CXCL13: variants seen among roughly 807,000 people sequenced by gnomAD.
CXCL13 encodes C-X-C motif chemokine ligand 13, also known as C-X-C motif chemokine 13.
Under a neutral mutation model 12.2 loss-of-function variants are expected in CXCL13, and 7 were observed. The observed-to-expected ratio is 0.57, with a 90% CI of 0.33 to 1.07. The LOEUF (loss-of-function observed/expected upper bound fraction) is 1.07, where lower values mean the gene tolerates loss of function less well. CXCL13 is among the 50% of genes least tolerant of loss of function. The pLI, the probability that CXCL13 is intolerant of heterozygous loss-of-function variation, is 0.04. For synonymous variants in CXCL13, 47 were observed against 42.4 expected (o/e 1.11, Z -0.42); for missense variants, 113 against 127.4 (o/e 0.89, Z 0.55).
intron 1 of CXCL13, among the ~76,000 whole-genome samples, chr4:77,590,610 G>A (rs1726580875): frequency 6.6e-6 from 1 of 152,166 alleles, no homozygotes; most frequent in African/African-American, 2.4e-5. Flanking sequence ...TTCTGCTCCT[G>A]TATAGAAAAC....
intron 1 of CXCL13, among the ~76,000 whole-genome samples, chr4:77,513,558 T>C (rs1017018933): frequency 6.6e-6 from 1 of 152,070 alleles, no homozygotes; most frequent in Non-Finnish European, 1.5e-5. Flanking sequence ...TTCACAGGAT[T>C]CTCCTGCCTC....
In CXCL13 at chr4:77,611,127, A is replaced by C; in HGVS notation, c.*88A>C. 9.1e-7 allele frequency: 1 copy of C among 1,094,912 alleles called. No individual in the cohort carries two copies. Among genetic ancestry groups the C allele is most frequent in the South Asian group, 1.4e-5 (1 of 72,358 alleles). The allele number at this position is 1,094,912 out of a possible 1,614,324, so 67.8% of individuals were successfully genotyped here. A position where few individuals can be genotyped will look rare whatever the true frequency, so the allele number is the denominator to read the frequency against. On this transcript the variant is annotated 3_prime_UTR_variant, in exon 4 of 4. Transcript: ENST00000682537. The stretch of plus-strand genomic sequence containing the variant: ...TGTGCTTAGTTAAATCTTTTCCAGG[A>C]AAAAGAACTTCCCCATACAAATAAG...
chr4:77,578,483 G>A (rs1444353305), intron 1 of CXCL13, among the ~76,000 whole-genome samples: 1 of 152,148 alleles, frequency 6.6e-6, no homozygotes, highest in Admixed American at 6.5e-5. Context: ...GCAGATAAGG[G>A]GAAGGGTCCC....
chr4:77,582,078 C>A (rs1374535319), intron 1 of CXCL13, among the ~76,000 whole-genome samples: 2 of 150,174 alleles, frequency 1.3e-5, no homozygotes, highest in Non-Finnish European at 3.0e-5. Flanking sequence ...AGAAAAAAAA[C>A]ATCATTCTAT....
At chr4:77,530,842 C>G (rs1445456310) in intron 1 of CXCL13, among the ~76,000 whole-genome samples, 1 of 152,068 alleles carries the variant, frequency 6.6e-6, no homozygotes, top group African/African-American at 2.4e-5. Context: ...GTTCTTGCTT[C>G]TCTAGTTCTT....
In CXCL13 at chr4:77,598,602, G is replaced by T. The variant is rs568222366; in HGVS notation, c.-42-7222G>T. 5.9e-5 allele frequency among the ~76,000 whole-genome samples: 9 copies of T among 152,248 alleles called. No individual in the cohort carries two copies. In the East Asian group the frequency reaches 1.5e-3, roughly 26 times the overall value. ...CAAAAAGTGACAAAAAGATGTTATG[G>T]AATCTGGAAGATGCCTCATGAGAGA... On this transcript the variant is annotated intron_variant, in intron 1 of 4. Transcript: ENST00000286758.
chr4:77,521,113 G>C (rs148462940), intron 1 of CXCL13, among the ~76,000 whole-genome samples: 32,738 of 152,106 alleles, frequency 0.22, 4,056 homozygotes, highest in South Asian at 0.35. Context: ...GCTGGATTTG[G>C]TTTGCCAGTA....
intron 1 of CXCL13, among the ~76,000 whole-genome samples, chr4:77,573,605 G>C (rs1252554959): frequency 6.6e-6 from 1 of 151,736 alleles, no homozygotes; most frequent in Non-Finnish European, 1.5e-5. Flanking sequence ...ATATGCCAAA[G>C]AAGATATTCT....
rs116522113 is a variant in CXCL13 at position 77,607,925 on chromosome 4, C to T, written c.197+90C>T. 5.7e-4 allele frequency: 747 copies of T among 1,306,938 alleles called. 8 individuals carry two copies. The African/African-American group carries it at 0.01, about 18-fold the overall frequency. 81.0% of individuals were successfully genotyped at this position (1,306,938 alleles called of 1,614,324 possible). A position where few individuals can be genotyped will look rare whatever the true frequency, so the allele number is the denominator to read the frequency against. On this transcript the variant is annotated intron_variant, in intron 2 of 3. Transcript: ENST00000682537. ...ATACAGTAGTCTTACTCAAGAATGT[C>T]GAAGAGATTTACTTGAGTGTTGCTA...
At chr4:77,538,154 C>T (rs373577567) in intron 1 of CXCL13, among the ~76,000 whole-genome samples, 4 of 152,150 alleles carry the variant, frequency 2.6e-5, no homozygotes, top group Non-Finnish European at 5.9e-5. Context: ...TTTTAGTTGT[C>T]TTTTTCCTAC....
Position 77,610,151 on chromosome 4 carries a change from G to A in CXCL13, c.198-463G>A, listed in dbSNP as rs375886273. Among the ~76,000 whole-genome samples the A allele has an allele frequency of 9.9e-5, 15 of 151,798 alleles. 1 individual carries two copies. In the South Asian group the frequency reaches 2.3e-3, roughly 23 times the overall value. ...CCAAGCAATCTGCTCTGCAGCATGC[G>A]TCTCATGTGAAATTGCACTGAATTT... On this transcript the variant is annotated intron_variant, in intron 2 of 3. Transcript: ENST00000682537.
At chr4:77,519,398 C>A (rs1051603115) in intron 1 of CXCL13, among the ~76,000 whole-genome samples, 1 of 152,132 alleles carries the variant, frequency 6.6e-6, no homozygotes, top group Non-Finnish European at 1.5e-5. Flanking sequence ...TGTTCCTATT[C>A]GGCCATCTTG....
At chr4:77,543,045 A>T (rs894737980) in intron 1 of CXCL13, among the ~76,000 whole-genome samples, 11 of 151,976 alleles carry the variant, frequency 7.2e-5, no homozygotes, top group African/African-American at 2.7e-4. Flanking sequence ...TTGGAACTCA[A>T]TATTAGTCTG....
intron 1 of CXCL13, among the ~76,000 whole-genome samples, chr4:77,519,555 T>C (rs180817911): frequency 1.3e-5 from 2 of 152,320 alleles, no homozygotes; most frequent in Non-Finnish European, 2.9e-5. Flanking sequence ...GCCTACTTTT[T>C]GATGGGGTTG....
At chr4:77,537,933 G>A (rs1725100096) in intron 1 of CXCL13, among the ~76,000 whole-genome samples, 3 of 152,118 alleles carry the variant, frequency 2.0e-5, no homozygotes, top group Admixed American at 2.0e-4. Flanking sequence ...CTTCAGAAAA[G>A]GGTATCTTTC....
intron 1 of CXCL13, among the ~76,000 whole-genome samples, chr4:77,575,943 G>T (rs564528962): frequency 3.3e-5 from 5 of 151,908 alleles, no homozygotes; most frequent in African/African-American, 1.2e-4. Context: ...AGGTTGTTAT[G>T]TTAAGTTATT....
At chr4:77,527,635 TA>T (rs532507301) in intron 1 of CXCL13, among the ~76,000 whole-genome samples, 21 of 145,294 alleles carry the variant, frequency 1.4e-4, no homozygotes, top group South Asian at 4.4e-4. Flanking sequence ...CAGTCTCAGA[TA>T]AAAAAAAAAG....
chr4:77,534,786 G>A (rs1725020661), intron 1 of CXCL13, among the ~76,000 whole-genome samples: 1 of 152,104 alleles, frequency 6.6e-6, no homozygotes. Context: ...AAAATGTTGG[G>A]GTTGGACCAT....
chr4:77,541,681 C>A (rs2109801279), intron 1 of CXCL13, among the ~76,000 whole-genome samples: 1 of 152,078 alleles, frequency 6.6e-6, no homozygotes, highest in South Asian at 2.1e-4. Flanking sequence ...CTTAGGATTG[C>A]TTTGGCAATT....
Sources: gnomAD v4.1 joint callset for allele counts (sites outside exome capture counted in the v4.1 genomes callset) on GRCh38, gnomAD v4.1.1 for gene constraint, MANE v1.5 for transcripts, NCBI Gene and HGNC (gene_info 2026-07-23, HGNC 2026-07-21) for gene names.